The following COMMD10 variants were observed in gnomAD, a reference collection of about 807,000 sequenced individuals.
COMMD10 encodes COMM domain-containing protein 10.
In COMMD10, 33 loss-of-function variants were observed where a neutral mutation model predicts 28.9. The ratio of observed to expected loss-of-function variants is 1.14; its 90% CI spans 0.87 to 1.53. The LOEUF is 1.53. Ranked by LOEUF, COMMD10 falls within the 40% of genes most tolerant of loss-of-function variation. The probability of loss-of-function intolerance (pLI) is 0.00; values close to 1 mark genes in which losing one functional copy is unlikely to be tolerated. For missense variants in COMMD10, 310 were observed against 233.4 expected (o/e 1.33, Z -2.14); for synonymous variants, 110 against 81.7 (o/e 1.35, Z -1.87).
intron 5 of COMMD10, among the ~76,000 whole-genome samples, chr5:116,150,505 C>A (rs1254986583): frequency 2.0e-5 from 3 of 150,340 alleles, no homozygotes; most frequent in Non-Finnish European, 4.4e-5. Flanking sequence ...AATGTTCTTC[C>A]ATTTGTTTGT....
chr5:116,220,183 A>G (rs1345470229), intron 5 of COMMD10, among the ~76,000 whole-genome samples: 1 of 152,182 alleles, frequency 6.6e-6, no homozygotes, highest in Non-Finnish European at 1.5e-5. Context: ...ATAACAGTAC[A>G]TCCAAAAATT....
At chr5:116,133,877 G>A (rs757696244) in intron 4 of COMMD10, among the ~76,000 whole-genome samples, 191 bp from the exon 5 acceptor site, 15 of 152,106 alleles carry the variant, frequency 9.9e-5, no homozygotes, top group African/African-American at 1.7e-4. Context: ...TTTGACAGGC[G>A]TGGCAGGAGG....
intron 4 of COMMD10, among the ~76,000 whole-genome samples, chr5:116,130,217 C>T (rs578240673): frequency 6.6e-6 from 1 of 151,904 alleles, no homozygotes; most frequent in African/African-American, 2.4e-5. Context: ...GTATGCGGGA[C>T]ATTATTTTAA....
At chr5:116,189,876 C>T (rs1163593594) in intron 5 of COMMD10, among the ~76,000 whole-genome samples, 1 of 152,100 alleles carries the variant, frequency 6.6e-6, no homozygotes, top group African/African-American at 2.4e-5. Context: ...TTAATATTAT[C>T]TTTATTATGA....
rs149203206 is a variant in COMMD10 at position 116,256,592 on chromosome 5, C to A, written c.511-34925C>A. ...GAAACAGTATACAGGTTGAGTATTC[C>A]TTATCCAAAATGGTTGGAACCAGAA... On this transcript the variant is annotated intron_variant, in intron 5 of 6. Coordinates refer to ENST00000274458, the MANE Select transcript of COMMD10 (RefSeq NM_016144.4). 3.1e-3 allele frequency among the ~76,000 whole-genome samples: 466 copies of A among 151,786 alleles called. 15 individuals carry two copies. The highest frequency in any genetic ancestry group is 0.011 in the African/African-American group (452 of 41,258).
At chr5:116,177,123 T>A (rs7702975) in intron 5 of COMMD10, among the ~76,000 whole-genome samples, 47,413 of 151,936 alleles carry the variant, frequency 0.31, 10,382 homozygotes, top group African/African-American at 0.63. Flanking sequence ...ATGTTCTAGA[T>A]CACGTACTAT....
At chr5:116,236,705 C>T (rs1470684118) in intron 5 of COMMD10, among the ~76,000 whole-genome samples, 1 of 151,748 alleles carries the variant, frequency 6.6e-6, no homozygotes, top group Non-Finnish European at 1.5e-5. Flanking sequence ...GTAGATGGAA[C>T]ACAGATGATT....
At chr5:116,269,813 C>T (rs1167017616) in intron 5 of COMMD10, among the ~76,000 whole-genome samples, 5 of 151,766 alleles carry the variant, frequency 3.3e-5, no homozygotes, top group African/African-American at 9.7e-5. Flanking sequence ...CCTAGTCTGA[C>T]TTGCCAGTCT....
At chr5:116,153,479 A>G (rs1027871457) in intron 5 of COMMD10, among the ~76,000 whole-genome samples, 2 of 152,136 alleles carry the variant, frequency 1.3e-5, no homozygotes, top group East Asian at 3.9e-4. Flanking sequence ...TGCAGAGCAC[A>G]CAGTAATCAT....
chr5:116,166,453 A>T (rs1041351462), intron 5 of COMMD10, among the ~76,000 whole-genome samples: 3 of 152,170 alleles, frequency 2.0e-5, no homozygotes, highest in African/African-American at 7.2e-5. Flanking sequence ...TGTACCATCT[A>T]ATAAATTGAA....
chr5:116,253,455 T>G (rs554612859), intron 5 of COMMD10, among the ~76,000 whole-genome samples: 68 of 151,448 alleles, frequency 4.5e-4, no homozygotes, highest in Admixed American at 1.6e-3. Flanking sequence ...GCTCTTATTA[T>G]TTTGAAATAT....
chr5:116,161,317 G>T (rs1268408350), intron 5 of COMMD10, among the ~76,000 whole-genome samples: 2 of 152,196 alleles, frequency 1.3e-5, no homozygotes, highest in African/African-American at 2.4e-5. Flanking sequence ...TAAGATAATG[G>T]ATATATAATG....
intron 4 of COMMD10, among the ~76,000 whole-genome samples, chr5:116,121,825 G>A (rs955210024): frequency 2.6e-5 from 4 of 152,040 alleles, no homozygotes; most frequent in Admixed American, 6.6e-5. Flanking sequence ...TTTTGAATGG[G>A]GTTATTTGTT....
At chr5:116,138,076 A>G (rs1429276361) in intron 5 of COMMD10, among the ~76,000 whole-genome samples, 1 of 151,930 alleles carries the variant, frequency 6.6e-6, no homozygotes, top group Non-Finnish European at 1.5e-5. Flanking sequence ...TAGTTGAAGG[A>G]AATGCTAAGT....
chr5:116,088,268 GC>G (rs1361493074), intron 2 of COMMD10, among the ~76,000 whole-genome samples: 3 of 152,284 alleles, frequency 2.0e-5, no homozygotes, highest in African/African-American at 7.2e-5. Context: ...CCAAGAGCCA[GC>G]CTCAAAACTG....
intron 5 of COMMD10, among the ~76,000 whole-genome samples, chr5:116,183,262 T>A (rs1167788378): frequency 6.6e-6 from 1 of 152,070 alleles, no homozygotes; most frequent in African/African-American, 2.4e-5. Context: ...TAGGGGAGAC[T>A]AAGGATGATG....
chr5:116,192,347 G>C (rs905240323), intron 5 of COMMD10, among the ~76,000 whole-genome samples: 8 of 151,632 alleles, frequency 5.3e-5, no homozygotes, highest in African/African-American at 1.9e-4. Flanking sequence ...AAAGAGTTCA[G>C]GAGGTGAGTT....
intron 5 of COMMD10, among the ~76,000 whole-genome samples, chr5:116,201,704 T>C (rs1478489057): frequency 2.6e-5 from 4 of 152,112 alleles, no homozygotes; most frequent in Admixed American, 2.6e-4. Context: ...CCCAGCTTAA[T>C]GTCACAGACT....
At position 116,202,691 on chromosome 5, in the gene COMMD10, G is replaced by A. The variant is rs529786850; in HGVS notation, c.510+68513G>A. On this transcript the variant is annotated intron_variant, in intron 5 of 6. Transcript: ENST00000274458. Reference sequence around the variant, plus strand: ...TGGCTGCATCAGTGTCTTCTTTTGAGAAGTGTCTGTTCATATCCTTTGCCC... The same window carrying A: ...TGGCTGCATCAGTGTCTTCTTTTGAAAAGTGTCTGTTCATATCCTTTGCCC... 3.5e-3 allele frequency among the ~76,000 whole-genome samples: 524 copies of A among 151,826 alleles called. 4 individuals are homozygous for A. The highest frequency in any genetic ancestry group is 0.012 in the African/African-American group (491 of 41,218).
Sources: gnomAD v4.1 joint callset for allele counts (sites outside exome capture counted in the v4.1 genomes callset) on GRCh38, gnomAD v4.1.1 for gene constraint, MANE v1.5 for transcripts, NCBI Gene and HGNC (gene_info 2026-07-23, HGNC 2026-07-21) for gene names.